RLIM: variants seen among roughly 807,000 people sequenced by gnomAD.
RLIM encodes ring finger protein, LIM domain interacting, also known as E3 ubiquitin-protein ligase RLIM.
Under a neutral mutation model 34.0 loss-of-function variants are expected in RLIM, and 2 were observed. That is an observed-to-expected ratio of 0.06 (90% CI 0.02 to 0.19). The LOEUF (loss-of-function observed/expected upper bound fraction) is 0.19. Among genes scored for constraint, RLIM ranks in the 10% least tolerant of loss-of-function variants. The pLI is 1.00. For synonymous variants in RLIM, 169 were observed against 164.0 expected, an observed-to-expected ratio of 1.03 and a Z score of -0.23; for missense variants, 286 against 479.7, an observed-to-expected ratio of 0.60 and a Z score of 3.77.
rs1378608614 is a variant in RLIM at position 74,588,896 on chromosome X, C to T, written c.*2544G>A. 2 of 112,050 alleles carry T rather than the reference C, an allele frequency of 1.8e-5. No individual in the cohort carries two copies. Among genetic ancestry groups the T allele is most frequent in the African/African-American group, 3.2e-5 (1 of 30,833 alleles). The allele number at this position is 112,050 out of a possible 1,213,427, so 9.2% of individuals were successfully genotyped here. ...CTAGTAAGCATGTAATAATCACGGA[C>T]ATCGCAAGATTAAAAATTAAGTAGC... On this transcript the variant is annotated 3_prime_UTR_variant, in exon 4 of 4. Coordinates refer to ENST00000332687, the MANE Select transcript of RLIM (RefSeq NM_016120.4).
At chrX:74,593,149 A>G (rs1006861002) in intron 3 of RLIM, 88 bp from the exon 4 acceptor site, 183 of 944,431 alleles carry the variant, frequency 1.9e-4, no homozygotes, top group Non-Finnish European at 2.4e-4. Context: ...TCTGCATTAA[A>G]TAACTTAAAA....
At chrX:74,602,342 C>T (rs1258606837) in intron 1 of RLIM, among the ~76,000 whole-genome samples, 1 of 111,416 alleles carries the variant, frequency 9.0e-6, no homozygotes, top group Non-Finnish European at 1.9e-5. Flanking sequence ...CCTGTTTGAC[C>T]TGGCTATGAA....
At chrX:74,596,129 C>A in intron 1 of RLIM, 129 bp from the exon 2 acceptor site, 1 of 407,309 alleles carries the variant, frequency 2.5e-6, no homozygotes. Context: ...AATTTCCTAA[C>A]AAAAACTCCT....
rs372186815 is a variant in RLIM, at chrX:74,592,807, T to C, written c.508A>G (p.Asn170Asp). The C allele has an allele frequency of 1.7e-6, 2 of 1,211,512 alleles. No individual in the cohort carries two copies. Among genetic ancestry groups the C allele is most frequent in the East Asian group, 3.0e-5 (1 of 33,853 alleles). The change falls in exon 4 of 4, where the codon AAC becomes GAC. Residue 170 changes from asparagine to aspartate, a missense_variant. Physicochemically the swap from Asn to Asp is conservative, Grantham distance 23. Around this residue, in one of 6 missense-constraint regions of RLIM, gnomAD observed 121 missense variants for 182.4 expected, o/e 0.66. Transcript: ENST00000332687. Reference sequence around the variant, plus strand: ...TTTTCCACTTGCCTTTGGCTGTTGTTTTCCACATTTTCTCCACTAGAACGT... The same window carrying C: ...TTTTCCACTTGCCTTTGGCTGTTGTCTTCCACATTTTCTCCACTAGAACGT... ...ARRSSGENVE[N>D]NSQRQVENPR...
chrX:74,594,156 T>C, intron 3 of RLIM, 150 bp downstream of exon 3: 3 of 358,987 alleles, frequency 8.4e-6, no homozygotes, highest in Non-Finnish European at 1.4e-5. Flanking sequence ...ATTCTAAGTA[T>C]CAAGAAAATG....
At chrX:74,607,071 G>A (rs2079685406) in intron 1 of RLIM, among the ~76,000 whole-genome samples, 1 of 109,203 alleles carries the variant, frequency 9.2e-6, no homozygotes, top group South Asian at 4.0e-4. Flanking sequence ...TGAGTTTGGG[G>A]GCAGAGGTTG....
Position 74,594,334 on chromosome X carries a change from T to C in RLIM, c.225A>G (p.Pro75=). ...LRRLQQIKEG[P]PPQNSDENRG... ...TATTTTCATCTGAGTTTTGCGGTGG[T>C]GGGCCTTCTTTAATTTGCTGTAGTC... Residue 75 remains proline, a synonymous_variant, in exon 3 of 4, where the codon CCA becomes CCG. Transcript: ENST00000332687. 8.3e-7 allele frequency: 1 copy of C among 1,207,703 alleles called. No individual in the cohort carries two copies. Among genetic ancestry groups the C allele is most frequent in the Non-Finnish European group, 1.1e-6 (1 of 894,140 alleles).
At chrX:74,601,351 T>C (rs1012771145) in intron 1 of RLIM, among the ~76,000 whole-genome samples, 3 of 111,496 alleles carry the variant, frequency 2.7e-5, no homozygotes, top group Non-Finnish European at 5.7e-5. Context: ...TGCTAAATGA[T>C]CCAATCTTCA....
At chrX:74,595,741 C>A in intron 2 of RLIM, 68 bp downstream of exon 2, 2 of 823,010 alleles carry the variant, frequency 2.4e-6, no homozygotes, top group East Asian at 3.3e-5. Context: ...ATTTTTAAAA[C>A]AGGTTCAAGC....
intron 1 of RLIM, among the ~76,000 whole-genome samples, chrX:74,607,664 G>A (rs2079688327): frequency 8.9e-6 from 1 of 112,542 alleles, no homozygotes; most frequent in South Asian, 3.6e-4. Context: ...AGCAGAGATC[G>A]TGCCATTGCA....
intron 1 of RLIM, among the ~76,000 whole-genome samples, chrX:74,609,427 G>A (rs1365521136): frequency 1.1e-5 from 1 of 93,888 alleles, no homozygotes; most frequent in Non-Finnish European, 2.0e-5. Context: ...GGCAGAGCTT[G>A]CAGTGAGCCG....
At chrX:74,593,103 A>C (rs200684389) in intron 3 of RLIM, 42 bp from the exon 4 acceptor site, 29 of 1,146,896 alleles carry the variant, frequency 2.5e-5, no homozygotes, top group Non-Finnish European at 3.3e-5. Flanking sequence ...AAAAGGAACT[A>C]CTAAAATGAG....
chrX:74,602,605 C>T (rs113582975), intron 1 of RLIM, among the ~76,000 whole-genome samples: 9,359 of 111,203 alleles, frequency 0.084, 333 homozygotes, highest in Admixed American at 0.13. Flanking sequence ...GGCGTGGTGG[C>T]GCATGCCTGT....
intron 1 of RLIM, among the ~76,000 whole-genome samples, chrX:74,614,014 C>T (rs1184141599): frequency 1.8e-5 from 2 of 110,123 alleles, no homozygotes; most frequent in Non-Finnish European, 3.8e-5. Context: ...CAAACCCAAG[C>T]CCGCCATGGA....
At chrX:74,611,723 A>C in intron 1 of RLIM, among the ~76,000 whole-genome samples, 1 of 112,399 alleles carries the variant, frequency 8.9e-6, no homozygotes, top group Non-Finnish European at 1.9e-5. Context: ...ATTAGACAGC[A>C]ATCAAACCCA....
chrX:74,606,527 C>T (rs1159534345), intron 1 of RLIM, among the ~76,000 whole-genome samples: 1 of 112,077 alleles, frequency 8.9e-6, no homozygotes, highest in African/African-American at 3.2e-5. Flanking sequence ...TTTCTGATTA[C>T]TGCTAAATGT....
chrX:74,611,140 T>C (rs1161229866), intron 1 of RLIM, among the ~76,000 whole-genome samples: 1 of 111,823 alleles, frequency 8.9e-6, no homozygotes, highest in Non-Finnish European at 1.9e-5. Context: ...GAAAAACCTG[T>C]CCAGTTCTAG....
At chrX:74,595,518 T>C (rs1184093289) in intron 2 of RLIM, among the ~76,000 whole-genome samples, 1 of 111,725 alleles carries the variant, frequency 9.0e-6, no homozygotes, top group African/African-American at 3.3e-5. Context: ...GATTCTTATC[T>C]AGTAAGTTAG....
chrX:74,594,573 T>G (rs2079631307), intron 2 of RLIM, among the ~76,000 whole-genome samples, 184 bp from the exon 3 acceptor site: 1 of 111,774 alleles, frequency 8.9e-6, no homozygotes, highest in Admixed American at 9.5e-5. Flanking sequence ...AATTCACTTC[T>G]TTGGAAACAT....
Sources: gnomAD v4.1 joint callset for allele counts (sites outside exome capture counted in the v4.1 genomes callset) on GRCh38, gnomAD v4.1.1 for gene constraint, gnomAD v4.1.1 regional missense constraint, MANE v1.5 for transcripts, NCBI Gene and HGNC (gene_info 2026-07-23, HGNC 2026-07-21) for gene names.